NAPA: variants seen among roughly 807,000 people sequenced by gnomAD.
NAPA encodes alpha-soluble NSF attachment protein.
Under a neutral mutation model 48.0 loss-of-function variants are expected in NAPA, and 18 were observed. The ratio of observed to expected loss-of-function variants is 0.38; its 90% CI spans 0.26 to 0.56. The LOEUF (loss-of-function observed/expected upper bound fraction) is 0.56. NAPA is among the 20% of genes least tolerant of loss of function. NAPA has a pLI of 0.77. For missense variants in NAPA, 315 were observed against 385.0 expected (o/e 0.82, Z 1.52); for synonymous variants, 152 against 149.9 (o/e 1.01, Z -0.10).
Position 47,493,554 on chromosome 19 carries a change from G to T in NAPA, c.343-61C>A. 2.0e-6 allele frequency: 3 copies of T among 1,464,576 alleles called. No individual in the cohort carries two copies. Among genetic ancestry groups the T allele is most frequent in the South Asian group, 1.1e-5 (1 of 88,064 alleles). 90.7% of individuals were successfully genotyped at this position (1,464,576 alleles called of 1,614,324 possible). A position where few individuals can be genotyped will look rare whatever the true frequency, so the allele number is the denominator to read the frequency against. ...ATGACCTCCTGCGTGCCTGCCTGCT[G>T]ACCTATGACCCTTCAAGTTCCCACC... is the stretch of plus-strand genomic sequence containing the variant. On this transcript the variant is annotated intron_variant, in intron 4 of 10. Coordinates refer to ENST00000263354, the MANE Select transcript of NAPA (RefSeq NM_003827.4). This position sits in a 1 kb window ranked among gnomAD's most constrained non-coding sequence, Gnocchi z 6.4.
At position 47,493,364 on chromosome 19, in the gene NAPA, G is replaced by C. The variant is rs1213449094; in HGVS notation, c.420+52C>G. The C allele has an allele frequency of 6.3e-7, 1 of 1,592,216 alleles. No homozygotes were observed. The highest frequency in any genetic ancestry group is 1.3e-5 in the African/African-American group (1 of 74,576). On this transcript the variant is annotated intron_variant, in intron 5 of 10. Transcript: ENST00000263354. This position sits in a 1 kb window ranked among gnomAD's most constrained non-coding sequence, Gnocchi z 6.4. ...GGACTCCCCTGGTGGGAAGAAGAGA[G>C]AGCAGCACTGGTCCTGGCTGCCAGC... is the stretch of plus-strand genomic sequence containing the variant.
chr19:47,491,011 C>T, intron 8 of NAPA, 155 bp from the exon 9 acceptor site: 1 of 597,198 alleles, frequency 1.7e-6, no homozygotes, highest in Non-Finnish European at 3.0e-6. Context: ...CTGTGTCTGT[C>T]AGTACCTTCC....
In NAPA at chr19:47,493,303, C is replaced by G; in HGVS notation, c.420+113G>C. The G allele has an allele frequency of 6.8e-7, 1 of 1,481,060 alleles. No homozygotes were observed. Among genetic ancestry groups the G allele is most frequent in the Non-Finnish European group, 9.3e-7 (1 of 1,072,742 alleles). 91.7% of individuals were successfully genotyped at this position (1,481,060 alleles called of 1,614,324 possible). A position where few individuals can be genotyped will look rare whatever the true frequency, so the allele number is the denominator to read the frequency against. ...GACCCCATTCTCCAAGCTCTGCCGG[C>G]GCCCCATGCCCCCTTCTCGGCACTC... On this transcript the variant is annotated intron_variant, in intron 5 of 10. Transcript: ENST00000263354. The surrounding 1 kb of genome is among the most constrained non-coding windows in gnomAD (Gnocchi z 6.4).
intron 4 of NAPA, 189 bp downstream of exon 4, chr19:47,495,361 G>T (rs920847581): frequency 1.5e-6 from 1 of 649,250 alleles, no homozygotes. Context: ...CAGGCTGGTG[G>T]GGAGCTGGGT....
At chr19:47,492,338 G>C in intron 7 of NAPA, 1 of 548,186 alleles carries the variant, frequency 1.8e-6, no homozygotes, top group Non-Finnish European at 3.3e-6. Flanking sequence ...TGGCTGGGTG[G>C]GGGTGGAGGC....
chr19:47,492,813 G>T (rs76305415), intron 7 of NAPA, 148 bp downstream of exon 7: 8 of 753,194 alleles, frequency 1.1e-5, no homozygotes, highest in Non-Finnish European at 1.6e-5. Context: ...AAGACAGGGT[G>T]GGGGGATGAC....
At chr19:47,490,971 C>G (rs983906053) in intron 8 of NAPA, 115 bp from the exon 9 acceptor site, 1 of 827,870 alleles carries the variant, frequency 1.2e-6, no homozygotes, top group Non-Finnish European at 1.9e-6. Flanking sequence ...GCTCTTGCAC[C>G]CCTCCCCCAG....
At chr19:47,513,697 A>C (rs1968847639) in intron 1 of NAPA, among the ~76,000 whole-genome samples, 1 of 151,644 alleles carries the variant, frequency 6.6e-6, no homozygotes, top group African/African-American at 2.4e-5. Flanking sequence ...ACACAGCAGG[A>C]ATTTGATCCC....
In NAPA at chr19:47,495,436, C is replaced by T. The variant is rs1332414430; in HGVS notation, c.342+114G>A. The T allele has an allele frequency of 4.5e-5, 54 of 1,206,242 alleles. No homozygotes were observed. In the South Asian group the frequency reaches 6.7e-4, roughly 15 times the overall value. The allele number at this position is 1,206,242 out of a possible 1,614,324, so 74.7% of individuals were successfully genotyped here. A position where few individuals can be genotyped will look rare whatever the true frequency, so the allele number is the denominator to read the frequency against. On this transcript the variant is annotated intron_variant, in intron 4 of 10. Transcript: ENST00000263354. ...CCCCCCAGCTCCCACTTCCCCCTCC[C>T]CAAGTGGTTTGGCCGCAGAATAAGA... is the stretch of plus-strand genomic sequence containing the variant.
intron 3 of NAPA, chr19:47,495,797 G>T: frequency 1.7e-6 from 1 of 599,408 alleles, no homozygotes; most frequent in Admixed American, 2.7e-5. Context: ...TCTGGTGAGA[G>T]GGCTGACTCT....
chr19:47,493,353 G>A lies in NAPA; in HGVS notation c.420+63C>T. ...CAGACACCAGAGGACTCCCCTGGTG[G>A]GAAGAAGAGAGAGCAGCACTGGTCC... On this transcript the variant is annotated intron_variant, in intron 5 of 10. Transcript: ENST00000263354. This position sits in a 1 kb window ranked among gnomAD's most constrained non-coding sequence, Gnocchi z 6.4. 2 of 1,579,798 alleles carry A rather than the reference G, an allele frequency of 1.3e-6. No homozygotes were observed. The highest frequency in any genetic ancestry group is 1.7e-6 in the Non-Finnish European group (2 of 1,150,704).
At position 47,514,981 on chromosome 19, in the gene NAPA, C is replaced by G. The variant is rs1367315407; in HGVS notation, c.-41G>C. On this transcript the variant is annotated 5_prime_UTR_variant, in exon 1 of 11. Coordinates refer to ENST00000263354, the MANE Select transcript of NAPA (RefSeq NM_003827.4). ...ACTCAGCAAAGCGCCTGACCCTGAC[C>G]CTGGGAAGACTCAGCCGCGGCCGGG... 2 of 1,589,124 alleles carry G rather than the reference C, an allele frequency of 1.3e-6. No individual in the cohort carries two copies. Among genetic ancestry groups the G allele is most frequent in the Non-Finnish European group, 8.6e-7 (1 of 1,161,554 alleles).
chr19:47,500,571 A>C (rs1968550068), intron 3 of NAPA, 62 bp downstream of exon 3: 2 of 1,337,082 alleles, frequency 1.5e-6, no homozygotes, highest in Admixed American at 5.1e-5. Context: ...CTGAGGAATC[A>C]ATGCAGGGTG....
intron 2 of NAPA, among the ~76,000 whole-genome samples, chr19:47,503,047 T>C (rs983980274): frequency 2.0e-5 from 3 of 152,344 alleles, no homozygotes; most frequent in African/African-American, 7.2e-5. Context: ...TGATTCACGT[T>C]GTTATTGGAA....
intron 3 of NAPA, chr19:47,496,650 C>G (rs181220032): frequency 3.7e-6 from 1 of 273,342 alleles, no homozygotes; most frequent in Non-Finnish European, 7.5e-6. Context: ...TCACCCAGGC[C>G]ATGTTCGCCT....
chr19:47,509,681 C>T (rs1241011428), intron 1 of NAPA, among the ~76,000 whole-genome samples: 5 of 152,220 alleles, frequency 3.3e-5, no homozygotes, highest in African/African-American at 1.2e-4. Context: ...GCTCCTCCTT[C>T]GGCTTCCAGA....
intron 9 of NAPA, among the ~76,000 whole-genome samples, chr19:47,490,113 G>A (rs973836324): frequency 6.8e-6 from 1 of 147,812 alleles, no homozygotes; most frequent in African/African-American, 2.5e-5. Flanking sequence ...GGGCACGTGT[G>A]GTGTTTGGTG....
At chr19:47,513,106 A>T (rs569015100) in intron 1 of NAPA, among the ~76,000 whole-genome samples, 80 of 152,186 alleles carry the variant, frequency 5.3e-4, no homozygotes, top group Non-Finnish European at 1.0e-3. Flanking sequence ...TCGTCCCATC[A>T]GCACAGATCC....
intron 10 of NAPA, chr19:47,489,145 C>G (rs1352062844): frequency 6.5e-6 from 1 of 153,472 alleles, no homozygotes; most frequent in Non-Finnish European, 1.5e-5. Flanking sequence ...TCCCAAGGGG[C>G]ACCTAGGGAG....
Sources: gnomAD v4.1 joint callset for allele counts (sites outside exome capture counted in the v4.1 genomes callset) on GRCh38, gnomAD v4.1.1 for gene constraint, Gnocchi (gnomAD v3.1) non-coding constraint, MANE v1.5 for transcripts, NCBI Gene and HGNC (gene_info 2026-07-23, HGNC 2026-07-21) for gene names.